The following LSM14A variants were observed in gnomAD, a reference collection of about 807,000 sequenced individuals.
The protein encoded by LSM14A is protein LSM14 homolog A.
A neutral mutation model predicts 52.4 loss-of-function variants in LSM14A; 14 were observed. The ratio of observed to expected loss-of-function variants is 0.27; its 90% CI spans 0.18 to 0.42. The LOEUF (loss-of-function observed/expected upper bound fraction) is 0.42. Among genes scored for constraint, LSM14A ranks in the 10% least tolerant of loss-of-function variants. The probability of loss-of-function intolerance (pLI) is 1.00; values close to 1 mark genes in which losing one functional copy is unlikely to be tolerated. For missense variants in LSM14A, 417 were observed against 581.8 expected (o/e 0.72, Z 2.91); for synonymous variants, 185 against 200.3 (o/e 0.92, Z 0.64).
rs763479177 is a variant in LSM14A at position 34,182,472 on chromosome 19, GTTGT to G, written c.121+9720_121+9723del. ...ACAAATGTGATCACACTGGTTTGTT[GTTGT>G]TTGTTTGTTTTTTGGTTTGGTTTGA... On this transcript the variant is annotated intron_variant, in intron 1 of 9. Transcript: ENST00000544216. Among the ~76,000 whole-genome samples, 89 of 151,726 alleles carry G rather than the reference GTTGT, an allele frequency of 5.9e-4. 1 individual carries two copies. Among genetic ancestry groups the G allele is most frequent in the Non-Finnish European group, 1.1e-3 (74 of 67,914 alleles).
intron 1 of LSM14A, among the ~76,000 whole-genome samples, chr19:34,178,179 A>AATAAT (rs2069214530): frequency 1.3e-5 from 2 of 150,002 alleles, no homozygotes; most frequent in Non-Finnish European, 3.0e-5. Flanking sequence ...AAAAAACACA[A>AATAAT]AATAATAATA....
intron 3 of LSM14A, among the ~76,000 whole-genome samples, chr19:34,198,297 C>T (rs567628670): frequency 9.1e-5 from 12 of 131,504 alleles, no homozygotes; most frequent in African/African-American, 2.0e-4. Flanking sequence ...CACAAAATAA[C>T]AAAGAATGGC....
chr19:34,188,237 G>A (rs1182442114), intron 1 of LSM14A, among the ~76,000 whole-genome samples: 1 of 152,164 alleles, frequency 6.6e-6, no homozygotes, highest in Non-Finnish European at 1.5e-5. Context: ...AGTGAGCCGA[G>A]ATGGCACCAC....
intron 6 of LSM14A, among the ~76,000 whole-genome samples, chr19:34,218,274 GGTTACAGGCGTGAGCCACC>G (rs1415616606): frequency 6.6e-6 from 1 of 152,104 alleles, no homozygotes; most frequent in Non-Finnish European, 1.5e-5. Flanking sequence ...AAAGTGCTGG[GGTTACAGGCGTGAGCCACC>G]GCGCCTGGCC....
intron 1 of LSM14A, among the ~76,000 whole-genome samples, chr19:34,190,157 C>T (rs1156927706): frequency 6.6e-6 from 1 of 152,112 alleles, no homozygotes; most frequent in Non-Finnish European, 1.5e-5. Context: ...TTTTAATCTT[C>T]CAGACTTCTC....
intron 1 of LSM14A, among the ~76,000 whole-genome samples, chr19:34,178,910 G>A (rs1400540460): frequency 2.0e-5 from 3 of 152,144 alleles, no homozygotes; most frequent in Non-Finnish European, 4.4e-5. Context: ...AAAGTTTAAA[G>A]GAAGCCTCCA....
chr19:34,196,653 C>A lies in LSM14A; in HGVS notation c.305C>A (p.Thr102Asn). 6.2e-7 allele frequency: 1 copy of A among 1,611,298 alleles called. No homozygotes were observed. Among genetic ancestry groups the A allele is most frequent in the East Asian group, 2.2e-5 (1 of 44,678 alleles). ...AIVQSSLGSS[T>N]SSFQSMGSYG... is the part of the protein sequence containing the mutation. The stretch of plus-strand genomic sequence containing the variant: ...CTTCAGTCCTCACTAGGCTCATCGA[C>A]TTCTTCATTCCAGTCCATGGGTTCT... The change falls in exon 3 of 10, where the codon ACT becomes AAT. Residue 102 changes from threonine (T) to asparagine (N), a missense_variant. Around this residue, in one of 2 missense-constraint regions of LSM14A, gnomAD observed 357 missense variants for 457.0 expected, o/e 0.78. Coordinates refer to ENST00000544216, the MANE Select transcript of LSM14A (RefSeq NM_015578.4).
chr19:34,179,997 C>G (rs917697746), intron 1 of LSM14A, among the ~76,000 whole-genome samples: 2 of 152,192 alleles, frequency 1.3e-5, no homozygotes, highest in African/African-American at 4.8e-5. Context: ...GGCACGATCA[C>G]AGCCTTGACC....
At chr19:34,178,351 T>C (rs945396151) in intron 1 of LSM14A, among the ~76,000 whole-genome samples, 2 of 152,118 alleles carry the variant, frequency 1.3e-5, no homozygotes, top group African/African-American at 4.8e-5. Flanking sequence ...AACAGGTAAG[T>C]TTGAGGGGCT....
chr19:34,184,316 G>A (rs2069726762), intron 1 of LSM14A, among the ~76,000 whole-genome samples: 2 of 152,178 alleles, frequency 1.3e-5, no homozygotes, highest in South Asian at 4.1e-4. Context: ...GCCTTCCAAA[G>A]TGCTGGAATT....
chr19:34,212,683 G>A (rs1013164534), intron 4 of LSM14A, among the ~76,000 whole-genome samples: 1 of 152,150 alleles, frequency 6.6e-6, no homozygotes, highest in African/African-American at 2.4e-5. Flanking sequence ...ATAATATGCA[G>A]AAATCACTTC....
At chr19:34,192,013 TG>T (rs5827895) in intron 1 of LSM14A, among the ~76,000 whole-genome samples, 152,237 of 152,240 alleles carry the variant, frequency 1, 76,117 homozygotes, top group Non-Finnish European at 1. Context: ...AAAATTTCTC[TG>T]GGGGGCAGGA....
At chr19:34,216,053 G>A (rs1024054704) in intron 6 of LSM14A, among the ~76,000 whole-genome samples, 4 of 152,096 alleles carry the variant, frequency 2.6e-5, no homozygotes, top group African/African-American at 7.2e-5. Context: ...CACAAGGGAC[G>A]ACTCTGAACT....
intron 6 of LSM14A, among the ~76,000 whole-genome samples, chr19:34,218,431 T>G (rs2072830316): frequency 6.6e-6 from 1 of 152,242 alleles, no homozygotes; most frequent in Non-Finnish European, 1.5e-5. Context: ...GATATGCTGC[T>G]GTGGGGTTTT....
chr19:34,192,778 C>T (rs1380823524), intron 1 of LSM14A, among the ~76,000 whole-genome samples: 1 of 151,418 alleles, frequency 6.6e-6, no homozygotes, highest in East Asian at 2.0e-4. Context: ...AGTTCTAGAC[C>T]AGTCTGGCCA....
At chr19:34,218,256 G>A (rs754893074) in intron 6 of LSM14A, among the ~76,000 whole-genome samples, 14 of 151,936 alleles carry the variant, frequency 9.2e-5, no homozygotes, top group Non-Finnish European at 1.6e-4. Context: ...CGCCCGCCCC[G>A]GCCTCCCAAA....
chr19:34,173,893 A>T (rs2068893245), intron 1 of LSM14A, among the ~76,000 whole-genome samples: 2 of 152,162 alleles, frequency 1.3e-5, no homozygotes, highest in African/African-American at 4.8e-5. Flanking sequence ...GTTTCACGGG[A>T]TCAAGTATTT....
At chr19:34,217,399 ATTCAT>A (rs982417117) in intron 6 of LSM14A, among the ~76,000 whole-genome samples, 10 of 151,748 alleles carry the variant, frequency 6.6e-5, no homozygotes, top group African/African-American at 2.4e-4. Context: ...TTCTAAAATC[ATTCAT>A]TTTATTAATA....
chr19:34,221,375 C>T, intron 8 of LSM14A, 132 bp from the exon 9 acceptor site: 1 of 1,078,626 alleles, frequency 9.3e-7, no homozygotes, highest in Non-Finnish European at 1.3e-6. Flanking sequence ...AGCCATCACG[C>T]CTAGCCAAGA....
Sources: gnomAD v4.1 joint callset for allele counts (sites outside exome capture counted in the v4.1 genomes callset) on GRCh38, gnomAD v4.1.1 for gene constraint, gnomAD v4.1.1 regional missense constraint, MANE v1.5 for transcripts, NCBI Gene and HGNC (gene_info 2026-07-23, HGNC 2026-07-21) for gene names.